KIF25: variants seen among roughly 807,000 people sequenced by gnomAD.
KIF25 encodes the protein kinesin-like protein KIF25.
KIF25 carries 19 observed loss-of-function variants against 32.9 expected under a neutral mutation model. The observed-to-expected ratio is 0.58, with a 90% CI of 0.40 to 0.85. The LOEUF (loss-of-function observed/expected upper bound fraction) is 0.85. Ranked by LOEUF, KIF25 falls within the 40% of genes least tolerant of loss-of-function variation. The probability of loss-of-function intolerance (pLI) is 0.00; values close to 1 mark genes in which losing one functional copy is unlikely to be tolerated. For missense variants in KIF25, 485 were observed against 507.0 expected, an observed-to-expected ratio of 0.96 and a Z score of 0.42; for synonymous variants, 225 against 213.7, an observed-to-expected ratio of 1.05 and a Z score of -0.46.
At chr6:168,025,792 A>T (rs1223360591) in intron 5 of KIF25, among the ~76,000 whole-genome samples, 1 of 152,254 alleles carries the variant, frequency 6.6e-6, no homozygotes. Context: ...AGGAATAAAA[A>T]GTTTAAAGTA....
At chr6:168,024,423 CTTTTTTTTTTT>C (rs56243912) in intron 5 of KIF25, among the ~76,000 whole-genome samples, 1,043 of 62,052 alleles carry the variant, frequency 0.017, 28 homozygotes, top group African/African-American at 0.067. Flanking sequence ...AAACCTCTCT[CTTTTTTTTTTT>C]TTTTTTTTTT....
chr6:168,032,829 C>A (rs570698353), intron 7 of KIF25, among the ~76,000 whole-genome samples: 5 of 152,142 alleles, frequency 3.3e-5, no homozygotes, highest in Non-Finnish European at 7.4e-5. Context: ...ATGACTCGGA[C>A]GGGGGGTCAG....
chr6:168,042,500 T>G, intron 11 of KIF25, 61 bp from the exon 12 acceptor site: 7 of 1,572,472 alleles, frequency 4.5e-6, no homozygotes, highest in Non-Finnish European at 5.2e-6. Context: ...AGGAGCCGGT[T>G]TTGCTTTTCC....
chr6:168,026,518 T>C (rs561268264), intron 5 of KIF25, among the ~76,000 whole-genome samples: 1 of 152,094 alleles, frequency 6.6e-6, no homozygotes, highest in Non-Finnish European at 1.5e-5. Flanking sequence ...CAGAACATTG[T>C]TGGTTTTTAT....
chr6:168,029,769 A>G, intron 6 of KIF25, 92 bp downstream of exon 6: 5 of 1,461,626 alleles, frequency 3.4e-6, no homozygotes, highest in South Asian at 1.4e-5. Flanking sequence ...CTACTTTTGT[A>G]TCTTGGTGTA....
chr6:168,013,274 G>C lies in KIF25; in HGVS notation c.-162-4699G>C, dbSNP rs115363661. Reference sequence around the variant, plus strand: ...ACTCAAGGGCAGGGTTGCTGTGGGTGGGACTGCCAGGTTCCTCCAGCTGGT... The same window carrying C: ...ACTCAAGGGCAGGGTTGCTGTGGGTCGGACTGCCAGGTTCCTCCAGCTGGT... On this transcript the variant is annotated intron_variant, in intron 4 of 12. Coordinates refer to ENST00000643607, the MANE Select transcript of KIF25 (RefSeq NM_030615.4). 3.3e-3 allele frequency among the ~76,000 whole-genome samples: 500 copies of C among 151,798 alleles called. 3 individuals are homozygous for C. Among genetic ancestry groups the C allele is most frequent in the African/African-American group, 0.012 (477 of 41,366 alleles).
intron 5 of KIF25, among the ~76,000 whole-genome samples, chr6:168,018,894 A>G (rs1342281636): frequency 1.3e-5 from 2 of 152,242 alleles, no homozygotes; most frequent in Non-Finnish European, 2.9e-5. Flanking sequence ...GCCTCCGCTG[A>G]GCACTGACCA....
rs367910669 is a variant in KIF25, at chr6:168,040,071, C to T, written c.501C>T (p.Val167=). 1.4e-5 allele frequency: 22 copies of T among 1,612,266 alleles called. No homozygotes were observed. Among genetic ancestry groups the T allele is most frequent in the East Asian group, 4.5e-5 (2 of 44,840 alleles). Residue 167 remains valine (V), a synonymous_variant, in exon 10 of 13, where the codon GTC becomes GTT. Transcript: ENST00000643607. ...CTGCTTGCCTTGTCTGTAGGGCTGT[C>T]GGCAGCGCCTCGAAACTGATGGAGC... is the stretch of plus-strand genomic sequence containing the variant. ...TEVALLASEA[V]GSASKLMELV...
chr6:168,033,946 C>G lies in KIF25; in HGVS notation c.232C>G (p.Arg78Gly). 2 of 1,614,130 alleles carry G rather than the reference C, an allele frequency of 1.2e-6. No homozygotes were observed. The highest frequency in any genetic ancestry group is 2.2e-5 in the South Asian group (2 of 91,070). ...CGGAAAGAGCTATACCATGCTGGGA[C>G]GCCATTCGGACGACGGCCCTGTTCT... is the stretch of plus-strand genomic sequence containing the variant. ...GSGKSYTMLG[R>G]HSDDGPVLPL... Residue 78 changes from arginine to glycine, a missense_variant, in exon 8 of 13, where the codon CGC becomes GGC. Around this residue, in one of 2 missense-constraint regions of KIF25, gnomAD observed 480 missense variants for 470.3 expected, o/e 1.02. Coordinates refer to ENST00000643607, the MANE Select transcript of KIF25 (RefSeq NM_030615.4).
In KIF25 at chr6:168,021,414, G is replaced by C. The variant is rs530292417; in HGVS notation, c.-95+3374G>C. On this transcript the variant is annotated intron_variant, in intron 5 of 12. Transcript: ENST00000643607. Reference sequence around the variant, plus strand: ...AGCTCCCTCGAAGACAGATCATGGTGAAGTTTTCCCCTTTCTCTCTGCTTC... The same window carrying C: ...AGCTCCCTCGAAGACAGATCATGGTCAAGTTTTCCCCTTTCTCTCTGCTTC... Among the ~76,000 whole-genome samples, 3 of 152,360 alleles carry C rather than the reference G, an allele frequency of 2.0e-5. No individual in the cohort carries two copies. In the East Asian group the frequency reaches 5.8e-4, roughly 29 times the overall value.
chr6:168,009,892 G>A (rs957709550), intron 4 of KIF25, among the ~76,000 whole-genome samples: 5 of 151,930 alleles, frequency 3.3e-5, no homozygotes, highest in African/African-American at 1.2e-4. Flanking sequence ...ATGATCCTTT[G>A]TATTTTTGTG....
At chr6:168,007,516 T>C (rs1798594873) in intron 4 of KIF25, among the ~76,000 whole-genome samples, 1 of 152,208 alleles carries the variant, frequency 6.6e-6, no homozygotes, top group Non-Finnish European at 1.5e-5. Flanking sequence ...AGGGGGATTT[T>C]ATCAGTGATA....
At chr6:168,000,716 A>C (rs1350419814) in intron 2 of KIF25, among the ~76,000 whole-genome samples, 1 of 149,108 alleles carries the variant, frequency 6.7e-6, no homozygotes, top group Non-Finnish European at 1.5e-5. Context: ...CCCTCCCGCC[A>C]CTCCAAGGTG....
At chr6:168,029,191 C>T (rs1057359964) in intron 5 of KIF25, among the ~76,000 whole-genome samples, 1 of 152,142 alleles carries the variant, frequency 6.6e-6, no homozygotes, top group African/African-American at 2.4e-5. Context: ...ATGGGAAAAA[C>T]TCCAGTATTC....
intron 10 of KIF25, 126 bp from the exon 11 acceptor site, chr6:168,041,843 T>C: frequency 2.3e-6 from 2 of 873,518 alleles, no homozygotes. Flanking sequence ...ATCCCACTTC[T>C]TACTGGGTGG....
At chr6:168,033,399 C>T (rs1798968368) in intron 7 of KIF25, among the ~76,000 whole-genome samples, 1 of 151,198 alleles carries the variant, frequency 6.6e-6, no homozygotes, top group South Asian at 2.1e-4. Flanking sequence ...ACTTGGGAGG[C>T]TTAGGCAGGA....
rs769818969 is a variant in KIF25 at position 168,045,014 on chromosome 6, T to C, written c.*18T>C. 2 of 1,576,200 alleles carry C rather than the reference T, an allele frequency of 1.3e-6. No homozygotes were observed. Among genetic ancestry groups the C allele is most frequent in the Non-Finnish European group, 1.7e-6 (2 of 1,158,566 alleles). On this transcript the variant is annotated 3_prime_UTR_variant, in exon 13 of 13. Transcript: ENST00000643607. The stretch of plus-strand genomic sequence containing the variant: ...CGGATTGAATGCATTAACAAGTTTT[T>C]CTCCTAAAACTGTGTTTCTTGTCCT...
chr6:168,044,978 G>C lies in KIF25; in HGVS notation c.1137G>C (p.Gly379=), dbSNP rs773833881. ...RKKPPSSQTE[G]KRRPD ...AGCCGCCCAGCTCCCAAACGGAGGG[G>C]AAGAGGAGGCCGGATTGAATGCATT... The change falls in exon 13 of 13, where the codon GGG becomes GGC. Residue 379 remains glycine, a synonymous_variant. Coordinates refer to ENST00000643607, the MANE Select transcript of KIF25 (RefSeq NM_030615.4). The C allele has an allele frequency of 1.9e-6, 3 of 1,598,626 alleles. No homozygotes were observed. The highest frequency in any genetic ancestry group is 2.6e-6 in the Non-Finnish European group (3 of 1,171,862).
At chr6:168,008,494 G>A (rs1020161984) in intron 4 of KIF25, among the ~76,000 whole-genome samples, 4 of 152,120 alleles carry the variant, frequency 2.6e-5, no homozygotes, top group African/African-American at 9.7e-5. Flanking sequence ...AATATATTTT[G>A]AGAGCAGGTA....
Sources: gnomAD v4.1 joint callset for allele counts (sites outside exome capture counted in the v4.1 genomes callset) on GRCh38, gnomAD v4.1.1 for gene constraint, gnomAD v4.1.1 regional missense constraint, MANE v1.5 for transcripts, NCBI Gene and HGNC (gene_info 2026-07-23, HGNC 2026-07-21) for gene names.